Variants in PARD3B observed in about 807,000 individuals in gnomAD.
The protein encoded by PARD3B is par-3 family cell polarity regulator beta.
Under a neutral mutation model 130.2 loss-of-function variants are expected in PARD3B, and 103 were observed. That is an observed-to-expected ratio of 0.79 (90% confidence interval 0.67 to 0.93). The LOEUF (loss-of-function observed/expected upper bound fraction) is 0.93, where lower values mean the gene tolerates loss of function less well. PARD3B is among the 40% of genes least tolerant of loss of function. The pLI is 0.00. For synonymous variants in PARD3B, 583 were observed against 553.2 expected (o/e 1.05, Z -0.76); for missense variants, 1,609 against 1,499.2 (o/e 1.07, Z -1.21).
chr2:204,763,759 C>T (rs1271966997), intron 2 of PARD3B, among the ~76,000 whole-genome samples: 1 of 152,130 alleles, frequency 6.6e-6, no homozygotes, highest in Non-Finnish European at 1.5e-5. Context: ...CATTGAATCT[C>T]CTGTGCCTGG....
rs190366544 is a variant in PARD3B, at chr2:204,606,046, C to T, written c.120+59927C>T. Among the ~76,000 whole-genome samples the T allele has an allele frequency of 2.6e-5, 4 of 152,174 alleles. No individual in the cohort carries two copies. Among genetic ancestry groups the T allele is most frequent in the Admixed American group, 2.6e-4 (4 of 15,272 alleles). On this transcript the variant is annotated intron_variant, in intron 1 of 22. Transcript: ENST00000406610. This position sits in a 1 kb window ranked among gnomAD's most constrained non-coding sequence, Gnocchi z 4.0. ...CTCTCTCCATTGGGACATGATATTA[C>T]CAAGAAGTGCTTTAGAGGGTTTTCA... is the stretch of plus-strand genomic sequence containing the variant.
chr2:204,956,232 G>A (rs1690223457), intron 2 of PARD3B, among the ~76,000 whole-genome samples: 1 of 152,214 alleles, frequency 6.6e-6, no homozygotes. Flanking sequence ...CTTTGGCTGA[G>A]AGATTGCCAA....
At chr2:205,170,843 C>T (rs1375068700) in intron 11 of PARD3B, among the ~76,000 whole-genome samples, 1 of 150,750 alleles carries the variant, frequency 6.6e-6, no homozygotes, top group South Asian at 2.1e-4. Flanking sequence ...GACCACAAAT[C>T]CCAGATACTT....
chr2:204,772,972 A>G (rs2041452427), intron 2 of PARD3B, among the ~76,000 whole-genome samples: 1 of 152,028 alleles, frequency 6.6e-6, no homozygotes, highest in Non-Finnish European at 1.5e-5. Context: ...TGGATGCTTT[A>G]TGAAGAAGTT....
At chr2:205,565,548 G>T (rs868829240) in intron 22 of PARD3B, among the ~76,000 whole-genome samples, 17 of 152,138 alleles carry the variant, frequency 1.1e-4, no homozygotes, top group Admixed American at 2.6e-4. Context: ...CCTTCTGTGG[G>T]TCGGTTATAG....
chr2:205,192,415 A>G (rs532311486), intron 14 of PARD3B, among the ~76,000 whole-genome samples: 1 of 152,336 alleles, frequency 6.6e-6, no homozygotes, highest in South Asian at 2.1e-4. Flanking sequence ...GAGAGTGCCA[A>G]GGTAAGAAAA....
chr2:205,532,635 T>C (rs1436158710), intron 21 of PARD3B, among the ~76,000 whole-genome samples: 2 of 152,202 alleles, frequency 1.3e-5, no homozygotes, highest in South Asian at 2.1e-4. Flanking sequence ...GTTGCCACTC[T>C]CATTCCACAA....
chr2:204,840,746 C>T (rs895671847), intron 2 of PARD3B, among the ~76,000 whole-genome samples: 5 of 151,854 alleles, frequency 3.3e-5, no homozygotes, highest in East Asian at 1.9e-4. Flanking sequence ...CAACCACGGT[C>T]GCAAAGTAGG....
intron 16 of PARD3B, among the ~76,000 whole-genome samples, chr2:205,282,784 C>G (rs1432421806): frequency 6.6e-6 from 1 of 152,122 alleles, no homozygotes; most frequent in African/African-American, 2.4e-5. Context: ...GGAAAGAGAC[C>G]TTGTTCCAGT....
At chr2:205,097,829 G>C (rs1334979100) in intron 4 of PARD3B, among the ~76,000 whole-genome samples, 1 of 10,442 alleles carries the variant, frequency 9.6e-5, no homozygotes, top group Non-Finnish European at 2.2e-4. Flanking sequence ...AAATCTAGTG[G>C]CGTGTGTGTG....
chr2:204,756,382 A>G (rs540262569), intron 2 of PARD3B, among the ~76,000 whole-genome samples: 19 of 152,138 alleles, frequency 1.2e-4, no homozygotes, highest in Non-Finnish European at 2.1e-4. Flanking sequence ...GAGATTTTGA[A>G]GAAGACTGAA....
chr2:205,616,394 C>G lies in PARD3B; in HGVS notation c.*581C>G, dbSNP rs909807035. ...CTAGTGATCTTGAAATATTTTGTAC[C>G]GAGAGAAAGACTGCATTTATTTGTA... On this transcript the variant is annotated 3_prime_UTR_variant, in exon 23 of 23. Coordinates refer to ENST00000406610, the MANE Select transcript of PARD3B (RefSeq NM_001302769.2). 16 of 152,042 alleles carry G rather than the reference C, an allele frequency of 1.1e-4. No individual in the cohort carries two copies. The highest frequency in any genetic ancestry group is 3.9e-4 in the African/African-American group (16 of 41,352). 9.4% of individuals were successfully genotyped at this position (152,042 alleles called of 1,614,324 possible).
Position 205,568,560 on chromosome 2 carries a change from T to A in PARD3B, c.3260+15157T>A, listed in dbSNP as rs77642874. ...GGAAAAATTAAACTTGGTACTGAGT[T>A]GCCTGACTCAAAAATGCCCATTAAT... On this transcript the variant is annotated intron_variant, in intron 22 of 22. Coordinates refer to ENST00000406610, the MANE Select transcript of PARD3B (RefSeq NM_001302769.2). This position sits in a 1 kb window ranked among gnomAD's most constrained non-coding sequence, Gnocchi z 5.3. 3.7e-3 allele frequency among the ~76,000 whole-genome samples: 565 copies of A among 152,304 alleles called. 17 individuals carry two copies. The East Asian group carries it at 0.083, about 22-fold the overall frequency.
rs2048899346 is a variant in PARD3B, at chr2:205,473,170, A to G, written c.3045-26726A>G. Among the ~76,000 whole-genome samples the G allele has an allele frequency of 6.6e-6, 1 of 152,126 alleles. No homozygotes were observed. The highest frequency in any genetic ancestry group is 1.5e-5 in the Non-Finnish European group (1 of 67,994). ...TCCAGTCCCCATATTGTCTTCCACCATAAACATCTGCCATGATAATTCTCC... is the reference window on the plus strand; with the variant it reads ...TCCAGTCCCCATATTGTCTTCCACCGTAAACATCTGCCATGATAATTCTCC... On this transcript the variant is annotated intron_variant, in intron 20 of 22. Coordinates refer to ENST00000406610, the MANE Select transcript of PARD3B (RefSeq NM_001302769.2). The surrounding 1 kb of genome is among the most constrained non-coding windows in gnomAD (Gnocchi z 4.9).
At chr2:205,120,306 G>A (rs1220197850) in intron 7 of PARD3B, among the ~76,000 whole-genome samples, 1 of 152,106 alleles carries the variant, frequency 6.6e-6, no homozygotes, top group African/African-American at 2.4e-5. Context: ...TATAGAGTTA[G>A]TATGGAGTAG....
chr2:204,877,133 T>C (rs1267077525), intron 2 of PARD3B, among the ~76,000 whole-genome samples: 1 of 152,146 alleles, frequency 6.6e-6, no homozygotes, highest in African/African-American at 2.4e-5. Flanking sequence ...CTCAGCAAAC[T>C]GTCGCAAGGA....
chr2:205,601,269 T>A (rs1387375906), intron 22 of PARD3B, among the ~76,000 whole-genome samples: 1 of 152,248 alleles, frequency 6.6e-6, no homozygotes, highest in Admixed American at 6.5e-5. Context: ...TTGACCTTTT[T>A]TCTCATATGT....
intron 3 of PARD3B, among the ~76,000 whole-genome samples, chr2:205,027,779 T>C (rs1182805910): frequency 6.6e-6 from 1 of 152,168 alleles, no homozygotes; most frequent in Non-Finnish European, 1.5e-5. Flanking sequence ...TTATATTGCA[T>C]GTGTATATTT....
intron 19 of PARD3B, among the ~76,000 whole-genome samples, chr2:205,437,521 T>C (rs970866474): frequency 5.3e-5 from 8 of 152,202 alleles, no homozygotes; most frequent in Non-Finnish European, 8.8e-5. Context: ...ACTAGCCACA[T>C]GTAGTTACTG....
Sources: allele counts gnomAD v4.1 joint callset (sites outside exome capture counted in the v4.1 genomes callset), GRCh38; gene constraint gnomAD v4.1.1; non-coding constraint Gnocchi (gnomAD v3.1); transcripts MANE v1.5; gene names NCBI Gene and HGNC (gene_info 2026-07-23, HGNC 2026-07-21).